PACS2: variants seen among roughly 807,000 people sequenced by gnomAD.
The protein encoded by PACS2 is PACS1-like protein.
PACS2 carries 36 observed loss-of-function variants against 113.0 expected under a neutral mutation model. The ratio of observed to expected loss-of-function variants is 0.32; its 90% CI spans 0.24 to 0.42. The LOEUF is 0.42. Ranked by LOEUF, PACS2 falls within the 10% of genes least tolerant of loss-of-function variation. The pLI is 1.00. For missense variants in PACS2, 1,015 were observed against 1,239.5 expected (o/e 0.82, Z 2.72); for synonymous variants, 589 against 536.1 (o/e 1.10, Z -1.36).
chr14:105,391,536 C>T (rs910511516), intron 21 of PACS2, 95 bp from the exon 22 acceptor site: 2 of 748,230 alleles, frequency 2.7e-6, no homozygotes, highest in Non-Finnish European at 4.2e-6. Flanking sequence ...CCCCCAGGAG[C>T]TGCCTGGCCT....
chr14:105,366,834 G>T lies in PACS2; in HGVS notation c.424-379G>T, dbSNP rs2141138626. Among the ~76,000 whole-genome samples, 1 of 152,306 alleles carries T rather than the reference G, an allele frequency of 6.6e-6. No homozygotes were observed. The highest frequency in any genetic ancestry group is 1.9e-4 in the East Asian group (1 of 5,184). On this transcript the variant is annotated intron_variant, in intron 4 of 24. Transcript: ENST00000447393. The surrounding 1 kb of genome is among the most constrained non-coding windows in gnomAD (Gnocchi z 4.3). The stretch of plus-strand genomic sequence containing the variant: ...GGCCAGGATCTTCCTGGGTGGCACT[G>T]CATGGACAGCAGTCGTGCCTGAGAT...
intron 4 of PACS2, among the ~76,000 whole-genome samples, chr14:105,359,587 C>CTTTTTTTTT (rs1162190552): frequency 9.8e-6 from 1 of 101,810 alleles, no homozygotes; most frequent in Non-Finnish European, 2.0e-5. Context: ...GTATTTCTTT[C>CTTTTTTTTT]TTTTTTTTTT....
chr14:105,365,888 A>T lies in PACS2; in HGVS notation c.424-1325A>T, dbSNP rs587627939. On this transcript the variant is annotated intron_variant, in intron 4 of 24. Coordinates refer to ENST00000447393, the MANE Select transcript of PACS2 (RefSeq NM_001100913.3). This position sits in a 1 kb window ranked among gnomAD's most constrained non-coding sequence, Gnocchi z 5.1. ...ACGTGAAGCTGCGTGTGCCCCGGCG[A>T]GTTGTGGGCACGAGGGCGTCAGCAG... Among the ~76,000 whole-genome samples the T allele has an allele frequency of 3.9e-4, 59 of 152,340 alleles. No individual in the cohort carries two copies. Among genetic ancestry groups the T allele is most frequent in the African/African-American group, 1.4e-3 (59 of 41,582 alleles).
chr14:105,352,507 T>C, intron 3 of PACS2, 40 bp downstream of exon 3: 1 of 1,278,818 alleles, frequency 7.8e-7, no homozygotes, highest in Non-Finnish European at 1.1e-6. Flanking sequence ...CTCATCACTG[T>C]CCCCTGGGGA....
chr14:105,367,492 C>A (rs2060979968), intron 5 of PACS2, 117 bp downstream of exon 5: 8 of 1,002,708 alleles, frequency 8.0e-6, no homozygotes, highest in Non-Finnish European at 4.6e-6. Flanking sequence ...GGGTCCGGAG[C>A]ACGTGTCAGT....
Position 105,314,913 on chromosome 14 carries a change from G to A in PACS2, c.-6G>A. The A allele has an allele frequency of 9.9e-7, 1 of 1,010,096 alleles. No homozygotes were observed. The highest frequency in any genetic ancestry group is 1.2e-6 in the Non-Finnish European group (1 of 848,718). 62.6% of individuals were successfully genotyped at this position (1,010,096 alleles called of 1,614,324 possible). On this transcript the variant is annotated 5_prime_UTR_variant, in exon 1 of 25. Coordinates refer to ENST00000447393, the MANE Select transcript of PACS2 (RefSeq NM_001100913.3). ...AGGCCGCCGAGGGAGCGGCGGGGCC[G>A]GCGCCATGGCCGAGCGAGGCCGCCT... is the stretch of plus-strand genomic sequence containing the variant.
chr14:105,380,209 G>C (rs1025608047), intron 11 of PACS2, 55 bp downstream of exon 11: 18 of 1,430,004 alleles, frequency 1.3e-5, no homozygotes, highest in Non-Finnish European at 1.6e-5. Context: ...CACCAATGCT[G>C]CCTTTAAGGG....
intron 2 of PACS2, among the ~76,000 whole-genome samples, chr14:105,350,206 C>T (rs950402033): frequency 1.3e-5 from 2 of 152,130 alleles, no homozygotes. Context: ...CCATTGCCAC[C>T]AGGCCGTGAG....
upstream of PACS2, among the ~76,000 whole-genome samples, chr14:105,313,298 C>T (rs1328054260): frequency 6.6e-6 from 1 of 152,208 alleles, no homozygotes; most frequent in African/African-American, 2.4e-5. Flanking sequence ...GACAGCCTGT[C>T]CTCCTGGGGT....
At chr14:105,384,147 C>T (rs1555412914) in intron 16 of PACS2, 5 of 556,996 alleles carry the variant, frequency 9.0e-6, no homozygotes, top group African/African-American at 1.9e-5. Context: ...GGGACCTCAG[C>T]TCAGGGCTGG....
At chr14:105,372,358 C>A (rs1555409572) in intron 8 of PACS2, 2 of 152,222 alleles carry the variant, frequency 1.3e-5, no homozygotes, top group East Asian at 1.9e-4. Context: ...GAGAAAATAT[C>A]TTTTCGCAAA....
rs1555415508 is a variant in PACS2 at position 105,393,286 on chromosome 14, C to T, written c.2547C>T (p.Gly849=). The change falls in exon 24 of 25, where the codon GGC becomes GGT. Residue 849 remains glycine (G), a synonymous_variant. Coordinates refer to ENST00000447393, the MANE Select transcript of PACS2 (RefSeq NM_001100913.3). ...AGTCTAAGAGCCAGTGCATTGAGGG[C>T]ATCAGCCGGCTCATCTGCACTGCCA... is the stretch of plus-strand genomic sequence containing the variant. ...DVESKSQCIE[G]ISRLICTARQ... 6.2e-7 allele frequency: 1 copy of T among 1,612,496 alleles called. No homozygotes were observed. Among genetic ancestry groups the T allele is most frequent in the Non-Finnish European group, 8.5e-7 (1 of 1,179,932 alleles).
In PACS2 at chr14:105,391,203, C is replaced by G. The variant is rs374431800; in HGVS notation, c.2077-4C>G. Reference sequence around the variant, plus strand: ...TTCACCAGCCAGTGCCTGTTGTTTTCTAGGTTGTGAAGGTTGGAATTGTGG... The same window carrying G: ...TTCACCAGCCAGTGCCTGTTGTTTTGTAGGTTGTGAAGGTTGGAATTGTGG... On this transcript the variant is annotated splice_region_variant and splice_polypyrimidine_tract_variant and intron_variant, in intron 20 of 24. Coordinates refer to ENST00000447393, the MANE Select transcript of PACS2 (RefSeq NM_001100913.3). 3.7e-6 allele frequency: 6 copies of G among 1,612,350 alleles called. No homozygotes were observed. The highest frequency in any genetic ancestry group is 2.7e-5 in the African/African-American group (2 of 74,890).
In PACS2 at chr14:105,315,075, C is replaced by T; in HGVS notation, c.119+38C>T. 8 of 1,116,576 alleles carry T rather than the reference C, an allele frequency of 7.2e-6. No homozygotes were observed. Among genetic ancestry groups the T allele is most frequent in the Non-Finnish European group, 8.8e-6 (8 of 906,176 alleles). 69.2% of individuals were successfully genotyped at this position (1,116,576 alleles called of 1,614,324 possible). Reference sequence around the variant, plus strand: ...CGCCGCGCTTTGTTCCCGCCGGGCACCTGCTGGGGGTGTCCTGGCCGCGGC... The same window carrying T: ...CGCCGCGCTTTGTTCCCGCCGGGCATCTGCTGGGGGTGTCCTGGCCGCGGC... On this transcript the variant is annotated intron_variant, in intron 1 of 24. Transcript: ENST00000447393. The surrounding 1 kb of genome is among the most constrained non-coding windows in gnomAD (Gnocchi z 4.4).
chr14:105,364,875 T>C, intron 4 of PACS2, among the ~76,000 whole-genome samples: 1 of 152,120 alleles, frequency 6.6e-6, no homozygotes, highest in Non-Finnish European at 1.5e-5. Flanking sequence ...TTTTATACTT[T>C]TTGTAGAGAT....
At position 105,348,633 on chromosome 14, in the gene PACS2, G is replaced by A. The variant is rs2060032966; in HGVS notation, c.207+53G>A. ...GCTGGGTGCTGTGTAGGCTTTCCAT[G>A]TGCCTGGGAGACGAGTCAGGCGGTG... On this transcript the variant is annotated intron_variant, in intron 2 of 24. Transcript: ENST00000447393. The surrounding 1 kb of genome is among the most constrained non-coding windows in gnomAD (Gnocchi z 6.4). The A allele has an allele frequency of 6.2e-6, 8 of 1,299,130 alleles. No homozygotes were observed. Among genetic ancestry groups the A allele is most frequent in the South Asian group, 4.7e-5 (4 of 84,944 alleles). 80.5% of individuals were successfully genotyped at this position (1,299,130 alleles called of 1,614,324 possible).
chr14:105,378,810 A>AC (rs1341260422), intron 9 of PACS2, among the ~76,000 whole-genome samples: 3 of 152,250 alleles, frequency 2.0e-5, no homozygotes, highest in Non-Finnish European at 4.4e-5. Context: ...CAGGGATGAG[A>AC]CATTCGGCCT....
rs2060551533 is a variant in PACS2 at position 105,358,708 on chromosome 14, T to C, written c.423+3531T>C. Among the ~76,000 whole-genome samples, 1 of 152,190 alleles carries C rather than the reference T, an allele frequency of 6.6e-6. No individual in the cohort carries two copies. Among genetic ancestry groups the C allele is most frequent in the African/African-American group, 2.4e-5 (1 of 41,454 alleles). On this transcript the variant is annotated intron_variant, in intron 4 of 24. Coordinates refer to ENST00000447393, the MANE Select transcript of PACS2 (RefSeq NM_001100913.3). This position sits in a 1 kb window ranked among gnomAD's most constrained non-coding sequence, Gnocchi z 4.9. ...GCTTCTTTGCACAGCCGGACTCCTC[T>C]TGTGGCCTCGCCACAAGCTGCACAT...
In PACS2 at chr14:105,355,524, G is replaced by C. The variant is rs2060407046; in HGVS notation, c.423+347G>C. On this transcript the variant is annotated intron_variant, in intron 4 of 24. Coordinates refer to ENST00000447393, the MANE Select transcript of PACS2 (RefSeq NM_001100913.3). This position sits in a 1 kb window ranked among gnomAD's most constrained non-coding sequence, Gnocchi z 4.1. ...GAATCGCTGCTGTCCCCACACCACG[G>C]GTGCGTCCTGTGATGGGTTCGTGTC... Among the ~76,000 whole-genome samples the C allele has an allele frequency of 6.6e-6, 1 of 152,232 alleles. No homozygotes were observed. Among genetic ancestry groups the C allele is most frequent in the African/African-American group, 2.4e-5 (1 of 41,468 alleles).
Sources: gnomAD v4.1 joint callset for allele counts (sites outside exome capture counted in the v4.1 genomes callset) on GRCh38, gnomAD v4.1.1 for gene constraint, Gnocchi (gnomAD v3.1) non-coding constraint, MANE v1.5 for transcripts, NCBI Gene and HGNC (gene_info 2026-07-23, HGNC 2026-07-21) for gene names.